Variants in SLC4A5 observed in about 807,000 individuals in gnomAD.
The protein encoded by SLC4A5 is electrogenic sodium bicarbonate cotransporter 4.
Under a neutral mutation model 120.4 loss-of-function variants are expected in SLC4A5, and 96 were observed. The observed-to-expected ratio is 0.80, with a 90% CI of 0.68 to 0.94. The LOEUF (loss-of-function observed/expected upper bound fraction) is 0.94, where lower values mean the gene tolerates loss of function less well. Ranked by LOEUF, SLC4A5 falls within the 40% of genes least tolerant of loss-of-function variation. The pLI is 0.00. For missense variants in SLC4A5, 1,259 were observed against 1,459.5 expected (o/e 0.86, Z 2.24); for synonymous variants, 550 against 571.1 (o/e 0.96, Z 0.53).
chr2:74,326,669 A>G (rs538427440), intron 5 of SLC4A5, among the ~76,000 whole-genome samples: 2 of 152,188 alleles, frequency 1.3e-5, no homozygotes, highest in South Asian at 4.1e-4. Flanking sequence ...AAATACAAAA[A>G]TTAGCCGAGT....
chr2:74,233,563 G>A, exon 23 of SLC4A5: 1 of 1,610,246 alleles, frequency 6.2e-7, no homozygotes, highest in Non-Finnish European at 8.5e-7. Flanking sequence ...GGCCGCGTTG[G>A]CTGAGTGGGA....
At chr2:74,229,023 A>G (rs1303341019) in intron 25 of SLC4A5, among the ~76,000 whole-genome samples, 1 of 151,146 alleles carries the variant, frequency 6.6e-6, no homozygotes, top group Non-Finnish European at 1.5e-5. Flanking sequence ...AGCACTCCGG[A>G]GAGCACAGAG....
intron 8 of SLC4A5, among the ~76,000 whole-genome samples, chr2:74,268,403 G>A (rs542227355): frequency 5.9e-4 from 90 of 152,286 alleles, no homozygotes; most frequent in African/African-American, 2.0e-3. Context: ...AGGACCTTAA[G>A]GGTATAGTAT....
rs548329186 is a variant in SLC4A5, at chr2:74,221,930, C to G, written c.3332-429G>C. Reference sequence around the variant, plus strand: ...GGGACAGGCTATGTTGCCTGGATGACAGGACTGGCCACCTATAGGGAGCTG... The same window carrying G: ...GGGACAGGCTATGTTGCCTGGATGAGAGGACTGGCCACCTATAGGGAGCTG... On this transcript the variant is annotated intron_variant, in intron 29 of 30. Coordinates refer to ENST00000394019, the Ensembl canonical transcript of SLC4A5. Among the ~76,000 whole-genome samples, 8 of 152,178 alleles carry G rather than the reference C, an allele frequency of 5.3e-5. No individual in the cohort carries two copies. In the South Asian group the frequency reaches 1.0e-3, roughly 20 times the overall value.
intron 10 of SLC4A5, 130 bp from the exon 11 acceptor site, chr2:74,262,362 TC>T (rs374026256): frequency 4.9e-4 from 247 of 507,204 alleles, no homozygotes; most frequent in Middle Eastern, 9.7e-4. Context: ...GGGAAGAAAT[TC>T]TTTTTTTTTT....
intron 6 of SLC4A5, among the ~76,000 whole-genome samples, chr2:74,305,688 C>T (rs1327206819): frequency 6.7e-6 from 1 of 149,260 alleles, no homozygotes; most frequent in Non-Finnish European, 1.5e-5. Flanking sequence ...CTCTTCATCC[C>T]ACCCCTTCCT....
At chr2:74,266,597 G>T (rs1379850956) in intron 8 of SLC4A5, among the ~76,000 whole-genome samples, 1 of 152,126 alleles carries the variant, frequency 6.6e-6, no homozygotes, top group African/African-American at 2.4e-5. Context: ...TGAAGGAGTT[G>T]TTTAAAAGAC....
intron 30 of SLC4A5, 99 bp downstream of exon 30, chr2:74,221,335 G>A: frequency 1.1e-6 from 1 of 880,116 alleles, no homozygotes; most frequent in South Asian, 1.7e-5. Flanking sequence ...GCCTTCTACT[G>A]AGAGGACAGC....
chr2:74,282,222 T>G (rs1323472376), intron 8 of SLC4A5, among the ~76,000 whole-genome samples: 1 of 152,194 alleles, frequency 6.6e-6, no homozygotes, highest in Non-Finnish European at 1.5e-5. Flanking sequence ...ACTAGGGGCT[T>G]GCTGGTCATA....
exon 17 of SLC4A5, chr2:74,250,343 C>G (rs769753063): frequency 6.2e-7 from 1 of 1,613,984 alleles, no homozygotes; most frequent in South Asian, 1.1e-5. Flanking sequence ...TCGCACACAC[C>G]TGATAATTGT....
intron 2 of SLC4A5, among the ~76,000 whole-genome samples, chr2:74,339,864 G>C (rs949319911): frequency 6.6e-6 from 1 of 152,126 alleles, no homozygotes; most frequent in Non-Finnish European, 1.5e-5. Context: ...GCCTTAAAAA[G>C]GAATAAAATT....
intron 5 of SLC4A5, among the ~76,000 whole-genome samples, chr2:74,315,671 T>C (rs1672946108): frequency 6.6e-6 from 1 of 150,916 alleles, no homozygotes; most frequent in Non-Finnish European, 1.5e-5. Context: ...TGGTGTGCTG[T>C]AGTGCTAAGC....
At chr2:74,259,013 G>T (rs1285404042) in intron 12 of SLC4A5, among the ~76,000 whole-genome samples, 1 of 152,136 alleles carries the variant, frequency 6.6e-6, no homozygotes, top group Non-Finnish European at 1.5e-5. Context: ...AATTAAGGGG[G>T]CCTCCTCTGG....
At chr2:74,316,975 A>G (rs551077705) in intron 5 of SLC4A5, among the ~76,000 whole-genome samples, 2 of 152,358 alleles carry the variant, frequency 1.3e-5, no homozygotes, top group African/African-American at 4.8e-5. Flanking sequence ...TTATGGCTCC[A>G]TCCCAAGGTG....
chr2:74,227,067 G>A (rs769644920), exon 27 of SLC4A5: 13 of 1,613,994 alleles, frequency 8.1e-6, no homozygotes, highest in East Asian at 2.2e-5. Flanking sequence ...GGCACGTGCC[G>A]CAGGAAGGCA....
chr2:74,294,995 T>C (rs533072427), intron 7 of SLC4A5, among the ~76,000 whole-genome samples: 4 of 152,290 alleles, frequency 2.6e-5, no homozygotes, highest in African/African-American at 9.6e-5. Flanking sequence ...TTATGCTGCA[T>C]AAGCGCTAGA....
intron 17 of SLC4A5, 86 bp from the exon 18 acceptor site, chr2:74,248,572 G>A: frequency 6.7e-7 from 1 of 1,490,746 alleles, no homozygotes; most frequent in South Asian, 1.2e-5. Context: ...TCTCTCCACG[G>A]GCCCAGGCCA....
intron 7 of SLC4A5, among the ~76,000 whole-genome samples, chr2:74,297,093 G>T (rs949112252): frequency 5.9e-5 from 9 of 152,060 alleles, no homozygotes; most frequent in Admixed American, 2.6e-4. Flanking sequence ...ATAGATGAAG[G>T]CTTGAATATT....
intron 8 of SLC4A5, among the ~76,000 whole-genome samples, chr2:74,275,141 C>T (rs1396115820): frequency 6.6e-6 from 1 of 152,168 alleles, no homozygotes; most frequent in African/African-American, 2.4e-5. Context: ...ACACTCCTTC[C>T]CAGACAGTGA....
Sources: allele counts gnomAD v4.1 joint callset (sites outside exome capture counted in the v4.1 genomes callset), GRCh38; gene constraint gnomAD v4.1.1; transcripts MANE v1.5; gene names NCBI Gene and HGNC (gene_info 2026-07-23, HGNC 2026-07-21).